Variants in FOXN4 observed in about 807,000 individuals in gnomAD.
The protein encoded by FOXN4 is forkhead box protein N4.
FOXN4 carries 12 observed loss-of-function variants against 45.0 expected under a neutral mutation model. The ratio of observed to expected loss-of-function variants is 0.27; its 90% CI spans 0.17 to 0.43. The LOEUF (loss-of-function observed/expected upper bound fraction) is 0.43. Ranked by LOEUF, FOXN4 falls within the 20% of genes least tolerant of loss-of-function variation. The pLI, the probability that FOXN4 is intolerant of heterozygous loss-of-function variation, is 1.00. For synonymous variants in FOXN4, 297 were observed against 295.0 expected (o/e 1.01, Z -0.07); for missense variants, 560 against 694.9 (o/e 0.81, Z 2.18).
In FOXN4 at chr12:109,281,750, G is replaced by A. The variant is rs551527194; in HGVS notation, c.951C>T (p.Pro317=). ...GGGCCTCTGGTTCCCCCGGTTTGCC[G>A]GGGCGCCGGCAGCTTTCAGGCCGGT... ...ISDRPESCRR[P]GKPGEPEAPV... is the part of the protein sequence containing the mutation. Residue 317 remains proline, a synonymous_variant, in exon 9 of 10, where the codon CCC becomes CCT. Coordinates refer to ENST00000299162, the MANE Select transcript of FOXN4 (RefSeq NM_213596.3). The A allele has an allele frequency of 9.3e-6, 15 of 1,604,720 alleles. No homozygotes were observed. The highest frequency in any genetic ancestry group is 6.7e-5 in the East Asian group (3 of 44,730).
intron 7 of FOXN4, among the ~76,000 whole-genome samples, chr12:109,286,223 A>G (rs1288584130): frequency 6.6e-6 from 1 of 152,130 alleles, no homozygotes; most frequent in Non-Finnish European, 1.5e-5. Context: ...CTAGTGGCCA[A>G]CCCTATGCTG....
chr12:109,293,181 G>C (rs759340465), intron 2 of FOXN4, among the ~76,000 whole-genome samples: 2 of 152,002 alleles, frequency 1.3e-5, no homozygotes, highest in Non-Finnish European at 2.9e-5. Flanking sequence ...AGACATCACT[G>C]GACCCCACCT....
chr12:109,299,333 A>G (rs990359119), intron 2 of FOXN4, among the ~76,000 whole-genome samples: 3 of 152,110 alleles, frequency 2.0e-5, no homozygotes, highest in Non-Finnish European at 2.9e-5. Flanking sequence ...ACGCATGCAC[A>G]CTACGCACAC....
chr12:109,308,772 A>G (rs926391649), intron 1 of FOXN4, among the ~76,000 whole-genome samples: 2 of 152,198 alleles, frequency 1.3e-5, no homozygotes, highest in African/African-American at 4.8e-5. Context: ...TTGCAAAGGG[A>G]ATAATCCCCG....
intron 3 of FOXN4, among the ~76,000 whole-genome samples, chr12:109,289,201 A>T (rs1009863123): frequency 6.6e-6 from 1 of 152,254 alleles, no homozygotes; most frequent in Non-Finnish European, 1.5e-5. Context: ...GAGATCACAC[A>T]GCTGTTCCCT....
chr12:109,281,186 A>G (rs2047648380), intron 9 of FOXN4, among the ~76,000 whole-genome samples: 1 of 152,198 alleles, frequency 6.6e-6, no homozygotes, highest in Non-Finnish European at 1.5e-5. Context: ...AACTGCTCCA[A>G]CGAGCATGAC....
At position 109,287,536 on chromosome 12, in the gene FOXN4, C is replaced by T; in HGVS notation, c.469-12G>A. Reference sequence around the variant, plus strand: ...CCCACAGGAGGGCACTTCCCACAGGCAGGGGCAGGGAGAAAGTGGCAGAGA... The same window carrying T: ...CCCACAGGAGGGCACTTCCCACAGGTAGGGGCAGGGAGAAAGTGGCAGAGA... On this transcript the variant is annotated splice_polypyrimidine_tract_variant and intron_variant, in intron 5 of 9. Coordinates refer to ENST00000299162, the MANE Select transcript of FOXN4 (RefSeq NM_213596.3). This position sits in a 1 kb window ranked among gnomAD's most constrained non-coding sequence, Gnocchi z 4.1. 1.3e-6 allele frequency: 2 copies of T among 1,513,376 alleles called. No individual in the cohort carries two copies. The highest frequency in any genetic ancestry group is 1.8e-6 in the Non-Finnish European group (2 of 1,132,200). 93.7% of individuals were successfully genotyped at this position (1,513,376 alleles called of 1,614,324 possible).
intron 8 of FOXN4, 140 bp downstream of exon 8, chr12:109,285,164 G>C (rs1016783998): frequency 6.1e-6 from 6 of 982,156 alleles, no homozygotes; most frequent in Non-Finnish European, 9.2e-6. Context: ...GCGCATATTT[G>C]TGTGTGTGCG....
chr12:109,286,094 A>G, intron 7 of FOXN4, among the ~76,000 whole-genome samples: 1 of 152,326 alleles, frequency 6.6e-6, no homozygotes, highest in East Asian at 1.9e-4. Flanking sequence ...ATGTGTGCAC[A>G]CACACTGTAC....
intron 2 of FOXN4, among the ~76,000 whole-genome samples, chr12:109,307,891 G>C (rs866875593): frequency 3.9e-5 from 6 of 152,080 alleles, no homozygotes; most frequent in South Asian, 2.1e-4. Flanking sequence ...GGCAGGGGGT[G>C]GGGGAGCATT....
Position 109,281,601 on chromosome 12 carries a change from G to A in FOXN4, c.1100C>T (p.Pro367Leu). ...QSVPLHHQVQ[P>L]QAHLAPDSPA... The stretch of plus-strand genomic sequence containing the variant: ...AGAGTCTGGAGCAAGATGTGCCTGG[G>A]GCTGGACCTGGTGGTGCAGGGGGAC... Residue 367 changes from proline (P) to leucine (L), a missense_variant, in exon 9 of 10, where the codon CCC (proline) becomes CTC (leucine). This residue lies in a region of FOXN4 where 315 missense variants were observed against 350.5 expected (regional missense o/e 0.90). Transcript: ENST00000299162. 1 of 1,608,078 alleles carries A rather than the reference G, an allele frequency of 6.2e-7. No homozygotes were observed. The highest frequency in any genetic ancestry group is 8.5e-7 in the Non-Finnish European group (1 of 1,177,258).
chr12:109,281,429 GCTC>G lies in FOXN4; in HGVS notation c.1269_1271del (p.Ser424del). 1 of 1,613,966 alleles carries G rather than the reference GCTC, an allele frequency of 6.2e-7. No homozygotes were observed. Among genetic ancestry groups the G allele is most frequent in the Non-Finnish European group, 8.5e-7 (1 of 1,179,898 alleles). On this transcript the variant is annotated inframe_deletion, in exon 9 of 10. Coordinates refer to ENST00000299162, the MANE Select transcript of FOXN4 (RefSeq NM_213596.3). ...CACCCTGCAGAGCGAAGTCCATGAT[GCTC>G]GGGTCGAGGGCATCCACCTCAGTGT...
chr12:109,294,060 C>T (rs971430393), intron 2 of FOXN4, among the ~76,000 whole-genome samples: 1 of 152,180 alleles, frequency 6.6e-6, no homozygotes, highest in African/African-American at 2.4e-5. Flanking sequence ...TGTGGCACTA[C>T]AGGTGGAGAT....
chr12:109,293,907 C>G (rs2047792790), intron 2 of FOXN4, among the ~76,000 whole-genome samples: 1 of 152,190 alleles, frequency 6.6e-6, no homozygotes, highest in Non-Finnish European at 1.5e-5. Flanking sequence ...TTGCCACAGT[C>G]CCAGGACAGG....
rs2047728793 is a variant in FOXN4 at position 109,287,814 on chromosome 12, C to T, written c.468+30G>A. 2 of 1,520,380 alleles carry T rather than the reference C, an allele frequency of 1.3e-6. No individual in the cohort carries two copies. The highest frequency in any genetic ancestry group is 2.5e-5 in the South Asian group (2 of 80,792). The allele number at this position is 1,520,380 out of a possible 1,614,324, so 94.2% of individuals were successfully genotyped here. The stretch of plus-strand genomic sequence containing the variant: ...AGCCCAAGGCAGGGTGTCTGCTGCT[C>T]AGTCCAGGGCTCCCCTGAGCCCTTG... On this transcript the variant is annotated intron_variant, in intron 5 of 9. Coordinates refer to ENST00000299162, the MANE Select transcript of FOXN4 (RefSeq NM_213596.3). This position sits in a 1 kb window ranked among gnomAD's most constrained non-coding sequence, Gnocchi z 4.1.
intron 2 of FOXN4, among the ~76,000 whole-genome samples, chr12:109,293,363 CCT>C (rs2047787184): frequency 6.6e-6 from 1 of 152,142 alleles, no homozygotes; most frequent in Admixed American, 6.6e-5. Flanking sequence ...CACTCTGCAC[CCT>C]GACTGCTCTC....
chr12:109,298,207 A>G (rs1263922594), intron 2 of FOXN4, among the ~76,000 whole-genome samples: 3 of 151,954 alleles, frequency 2.0e-5, no homozygotes, highest in African/African-American at 7.3e-5. Flanking sequence ...GCATTAGGGC[A>G]TCTCACAAAG....
chr12:109,305,655 G>A (rs934349496), intron 2 of FOXN4, among the ~76,000 whole-genome samples: 34 of 152,140 alleles, frequency 2.2e-4, no homozygotes, highest in East Asian at 1.9e-4. Flanking sequence ...GCTTGAGCCC[G>A]GGAGGCGGAG....
At chr12:109,302,299 G>T (rs2136945171) in intron 2 of FOXN4, among the ~76,000 whole-genome samples, 1 of 152,330 alleles carries the variant, frequency 6.6e-6, no homozygotes, top group East Asian at 1.9e-4. Context: ...AGCCTGGCAG[G>T]TGCCCACACA....
Sources: gnomAD v4.1 joint callset for allele counts (sites outside exome capture counted in the v4.1 genomes callset) on GRCh38, gnomAD v4.1.1 for gene constraint, gnomAD v4.1.1 regional missense constraint, Gnocchi (gnomAD v3.1) non-coding constraint, MANE v1.5 for transcripts, NCBI Gene and HGNC (gene_info 2026-07-23, HGNC 2026-07-21) for gene names.